The following C6orf132 variants were observed in gnomAD, a reference collection of about 807,000 sequenced individuals.
C6orf132 encodes the protein chromosome 6 open reading frame 132, also known as uncharacterized protein C6orf132.
A neutral mutation model predicts 65.3 loss-of-function variants in C6orf132; 43 were observed. The observed-to-expected ratio is 0.66, with a 90% CI of 0.52 to 0.85. The LOEUF is 0.85. Ranked by LOEUF, C6orf132 falls within the 40% of genes least tolerant of loss-of-function variation. The probability of loss-of-function intolerance (pLI) is 0.00; values close to 1 mark genes in which losing one functional copy is unlikely to be tolerated. For missense variants in C6orf132, 1,488 were observed against 1,548.8 expected (o/e 0.96, Z 0.66); for synonymous variants, 631 against 654.1 (o/e 0.96, Z 0.54).
intron 2 of C6orf132, among the ~76,000 whole-genome samples, chr6:42,123,718 C>G (rs536172278): frequency 6.6e-6 from 1 of 152,250 alleles, no homozygotes; most frequent in East Asian, 1.9e-4. Context: ...ATGTTGTACC[C>G]GGGACCAGCC....
chr6:42,114,874 A>C (rs942808178), intron 2 of C6orf132, among the ~76,000 whole-genome samples: 1 of 152,066 alleles, frequency 6.6e-6, no homozygotes, highest in African/African-American at 2.4e-5. Context: ...GCGTGGTGGC[A>C]AGCGACTGTA....
chr6:42,120,824 T>G (rs372298755), intron 2 of C6orf132, among the ~76,000 whole-genome samples: 1 of 151,838 alleles, frequency 6.6e-6, no homozygotes, highest in Admixed American at 6.6e-5. Context: ...GGTTTCATCA[T>G]ATTGGCCAGG....
In C6orf132 at chr6:42,107,386, G is replaced by A. The variant is rs1407167653; in HGVS notation, c.526C>T (p.Leu176=). ...PPSTAPPPPP[L]LLEPPPPPSM... is the part of the protein sequence containing the mutation. ...GGCGGGGGTGGGGGTTCCAGCAGCA[G>A]GGGAGGTGGTGGGGGTGCTGTGGAA... Residue 176 remains leucine (L), a synonymous_variant, in exon 4 of 5, where the codon CTG becomes TTG. Coordinates refer to ENST00000341865, the MANE Select transcript of C6orf132 (RefSeq NM_001164446.3). 10 of 1,040,240 alleles carry A rather than the reference G, an allele frequency of 9.6e-6. No individual in the cohort carries two copies. Among genetic ancestry groups the A allele is most frequent in the Non-Finnish European group, 1.4e-5 (10 of 726,016 alleles). 64.4% of individuals were successfully genotyped at this position (1,040,240 alleles called of 1,614,324 possible).
At chr6:42,122,297 C>T (rs1187080962) in intron 2 of C6orf132, among the ~76,000 whole-genome samples, 1 of 152,176 alleles carries the variant, frequency 6.6e-6, no homozygotes, top group Admixed American at 6.5e-5. Flanking sequence ...ATCAAGGGGA[C>T]ATGCCCTCAG....
chr6:42,104,982 T>C lies in C6orf132; in HGVS notation c.2930A>G (p.Glu977Gly), dbSNP rs1310847740. 10 of 1,509,526 alleles carry C rather than the reference T, an allele frequency of 6.6e-6. No individual in the cohort carries two copies. In the Admixed American group the frequency reaches 2.0e-4, roughly 30 times the overall value. 93.5% of individuals were successfully genotyped at this position (1,509,526 alleles called of 1,614,324 possible). A position where few individuals can be genotyped will look rare whatever the true frequency, so the allele number is the denominator to read the frequency against. The change falls in exon 4 of 5, where the codon GAG becomes GGG. Residue 977 changes from glutamate to glycine, a missense_variant. Transcript: ENST00000341865. The surrounding 1 kb of genome is among the most constrained non-coding windows in gnomAD (Gnocchi z 4.1). Reference protein sequence around the residue: ...PPSPSNKREEEEEEFNFEVIP... With the variant: ...PPSPSNKREEGEEEFNFEVIP... ...GACCTCGAAGTTGAACTCCTCCTCC[T>C]CCTCCTCCCTCTTGTTCGAAGGAGA...
chr6:42,111,770 A>G (rs1238437810), intron 2 of C6orf132, among the ~76,000 whole-genome samples: 1 of 152,192 alleles, frequency 6.6e-6, no homozygotes, highest in Admixed American at 6.5e-5. Context: ...CTGATCGCTA[A>G]GCTTAAGAGG....
Position 42,142,447 on chromosome 6 carries a change from T to G in C6orf132, c.-3A>C. ...TGCACCGTCTGCTTCTTTTTCATGC[T>G]GCCGCAGCCCGCGCGGGCGCCAGGG... On this transcript the variant is annotated 5_prime_UTR_variant, in exon 1 of 5. Coordinates refer to ENST00000341865, the MANE Select transcript of C6orf132 (RefSeq NM_001164446.3). 6.5e-7 allele frequency: 1 copy of G among 1,550,322 alleles called. No individual in the cohort carries two copies. The highest frequency in any genetic ancestry group is 8.7e-7 in the Non-Finnish European group (1 of 1,146,448).
At position 42,110,274 on chromosome 6, in the gene C6orf132, A is replaced by C. The variant is rs1191498315; in HGVS notation, c.270T>G (p.His90Gln). 3 of 1,549,082 alleles carry C rather than the reference A, an allele frequency of 1.9e-6. No individual in the cohort carries two copies. The African/African-American group carries it at 4.1e-5, about 21-fold the overall frequency. ...CCGAGGGGGTGGGCACAGCCAGCCCATGGTTTTCCTGGGCATTCTGAAAGA... is the reference window on the plus strand; with the variant it reads ...CCGAGGGGGTGGGCACAGCCAGCCCCTGGTTTTCCTGGGCATTCTGAAAGA... ...TFLPLNAQEN[H>Q]GLAVPTPSVP... Residue 90 changes from histidine to glutamine, a missense_variant, in exon 3 of 5, where the codon CAT becomes CAG. By Grantham distance (24) the His-to-Gln change is conservative. Transcript: ENST00000341865.
intron 2 of C6orf132, among the ~76,000 whole-genome samples, chr6:42,125,518 G>A (rs1014846945): frequency 3.3e-5 from 5 of 152,162 alleles, no homozygotes; most frequent in Admixed American, 6.5e-5. Flanking sequence ...AGCCAGCACC[G>A]AGGGAACGAG....
chr6:42,142,498 C>A lies in C6orf132; in HGVS notation c.-54G>T. ...AAGGACCTTCCCTCCCTCGCCCTGCCCTGCCCCGGACTGAACTCAGCACGG... is the reference window on the plus strand; with the variant it reads ...AAGGACCTTCCCTCCCTCGCCCTGCACTGCCCCGGACTGAACTCAGCACGG... On this transcript the variant is annotated 5_prime_UTR_variant, in exon 1 of 5. Coordinates refer to ENST00000341865, the MANE Select transcript of C6orf132 (RefSeq NM_001164446.3). 2 of 1,530,638 alleles carry A rather than the reference C, an allele frequency of 1.3e-6. No individual in the cohort carries two copies. Among genetic ancestry groups the A allele is most frequent in the South Asian group, 1.2e-5 (1 of 80,988 alleles). 94.8% of individuals were successfully genotyped at this position (1,530,638 alleles called of 1,614,324 possible).
At chr6:42,126,925 AT>A in intron 2 of C6orf132, 2 of 345,370 alleles carry the variant, frequency 5.8e-6, no homozygotes, top group Non-Finnish European at 1.1e-5. Flanking sequence ...AGTTTTATGC[AT>A]TCTCTGGAAA....
intron 2 of C6orf132, among the ~76,000 whole-genome samples, chr6:42,117,513 C>T (rs1766600943): frequency 6.6e-6 from 1 of 152,162 alleles, no homozygotes; most frequent in Non-Finnish European, 1.5e-5. Context: ...CCAGCCCAGT[C>T]TACTTGAGGG....
intron 2 of C6orf132, among the ~76,000 whole-genome samples, chr6:42,114,353 T>C (rs1369379417): frequency 6.6e-6 from 1 of 152,180 alleles, no homozygotes; most frequent in Non-Finnish European, 1.5e-5. Context: ...TTCAGAAGCT[T>C]CCAGTATTGA....
chr6:42,113,058 G>A (rs552245422), intron 2 of C6orf132, among the ~76,000 whole-genome samples: 64 of 152,064 alleles, frequency 4.2e-4, no homozygotes, highest in African/African-American at 1.5e-3. Flanking sequence ...CCCAGTGATT[G>A]GGAACCAGGG....
Position 42,104,771 on chromosome 6 carries a change from C to T in C6orf132, c.3141G>A (p.Gly1047=), listed in dbSNP as rs556246123. 2.0e-6 allele frequency: 3 copies of T among 1,510,912 alleles called. No homozygotes were observed. Among genetic ancestry groups the T allele is most frequent in the African/African-American group, 1.4e-5 (1 of 71,324 alleles). The allele number at this position is 1,510,912 out of a possible 1,614,324, so 93.6% of individuals were successfully genotyped here. Residue 1047 remains glycine (G), a synonymous_variant, in exon 4 of 5, where the codon GGG becomes GGA. Coordinates refer to ENST00000341865, the MANE Select transcript of C6orf132 (RefSeq NM_001164446.3). This position sits in a 1 kb window ranked among gnomAD's most constrained non-coding sequence, Gnocchi z 4.1. ...CCGAGAAGCGCTCCAGGCCCCCAGC[C>T]CCGGCGTAGCGCGCGCCCGCGGGAA... is the stretch of plus-strand genomic sequence containing the variant. ...SRFPAGARYA[G]AGGLERFSGG...
chr6:42,138,477 A>T (rs1766985793), intron 1 of C6orf132, among the ~76,000 whole-genome samples: 1 of 152,080 alleles, frequency 6.6e-6, no homozygotes, highest in South Asian at 2.1e-4. Flanking sequence ...TTTTTAGTAG[A>T]GACAACAGGA....
rs933641509 is a variant in C6orf132, at chr6:42,121,683, T to A, written c.252+6989A>T. Among the ~76,000 whole-genome samples, 4 of 152,204 alleles carry A rather than the reference T, an allele frequency of 2.6e-5. No homozygotes were observed. In the East Asian group the frequency reaches 5.8e-4, roughly 22 times the overall value. On this transcript the variant is annotated intron_variant, in intron 2 of 4. Transcript: ENST00000341865. ...GCCAGCTCGGAGTCTTAGCTACGCA[T>A]CGTGGAATGCAAACTTCCTCACCAG...
intron 2 of C6orf132, among the ~76,000 whole-genome samples, chr6:42,118,739 G>A (rs1012318120): frequency 5.1e-4 from 77 of 152,186 alleles, no homozygotes; most frequent in African/African-American, 1.3e-3. Context: ...GGAACTCCAC[G>A]AAACTGGGCC....
chr6:42,113,782 C>T (rs907458083), intron 2 of C6orf132, among the ~76,000 whole-genome samples: 1 of 151,802 alleles, frequency 6.6e-6, no homozygotes, highest in Admixed American at 6.6e-5. Flanking sequence ...TGCCACTGCA[C>T]TCCAGCCTGG....
Sources: allele counts gnomAD v4.1 joint callset (sites outside exome capture counted in the v4.1 genomes callset), GRCh38; gene constraint gnomAD v4.1.1; non-coding constraint Gnocchi (gnomAD v3.1); transcripts MANE v1.5; gene names NCBI Gene and HGNC (gene_info 2026-07-23, HGNC 2026-07-21).